KCNK1: variants seen among roughly 807,000 people sequenced by gnomAD.
The protein encoded by KCNK1 is potassium two pore domain channel subfamily K member 1.
Under a neutral mutation model 22.2 loss-of-function variants are expected in KCNK1, and 10 were observed. The observed-to-expected ratio is 0.45, with a 90% CI of 0.28 to 0.76. The LOEUF (loss-of-function observed/expected upper bound fraction) is 0.76. KCNK1 is among the 30% of genes least tolerant of loss of function. The pLI is 0.14. For synonymous variants in KCNK1, 200 were observed against 186.4 expected (o/e 1.07, Z -0.60); for missense variants, 378 against 421.0 (o/e 0.90, Z 0.89).
chr1:233,628,154 A>T (rs868057915), intron 1 of KCNK1, among the ~76,000 whole-genome samples: 18 of 152,312 alleles, frequency 1.2e-4, no homozygotes, highest in Middle Eastern at 3.4e-3. Context: ...GTGCCATCTC[A>T]CGGGAGCATT....
chr1:233,647,760 G>A (rs746533018), intron 1 of KCNK1, among the ~76,000 whole-genome samples: 8 of 152,144 alleles, frequency 5.3e-5, no homozygotes, highest in Non-Finnish European at 8.8e-5. Flanking sequence ...GTGAAATTGC[G>A]TTTTCTGGAG....
chr1:233,639,329 T>A (rs996965719), intron 1 of KCNK1, among the ~76,000 whole-genome samples: 5 of 152,254 alleles, frequency 3.3e-5, no homozygotes, highest in Non-Finnish European at 7.3e-5. Flanking sequence ...GATCTAGTCC[T>A]GTGTTTCTTT....
At chr1:233,619,626 A>G (rs1657543031) in intron 1 of KCNK1, among the ~76,000 whole-genome samples, 1 of 152,008 alleles carries the variant, frequency 6.6e-6, no homozygotes, top group Non-Finnish European at 1.5e-5. Context: ...AATAGAGTGA[A>G]GTGGGCCAGA....
chr1:233,630,757 T>C (rs1159692431), intron 1 of KCNK1: 1 of 153,628 alleles, frequency 6.5e-6, no homozygotes, highest in African/African-American at 2.4e-5. Context: ...GGTGATTCTT[T>C]TAGCCAAGTC....
chr1:233,644,427 CA>C (rs1658054877), intron 1 of KCNK1, among the ~76,000 whole-genome samples: 1 of 152,184 alleles, frequency 6.6e-6, no homozygotes, highest in African/African-American at 2.4e-5. Flanking sequence ...CAATGATAAA[CA>C]AGACAAACAA....
chr1:233,635,473 G>A (rs1657881303), intron 1 of KCNK1, among the ~76,000 whole-genome samples: 1 of 152,108 alleles, frequency 6.6e-6, no homozygotes, highest in African/African-American at 2.4e-5. Context: ...GAATTGTTGA[G>A]TAAAAATGGA....
chr1:233,619,627 G>A (rs1027490481), intron 1 of KCNK1, among the ~76,000 whole-genome samples: 16 of 152,024 alleles, frequency 1.1e-4, no homozygotes, highest in Non-Finnish European at 1.9e-4. Flanking sequence ...ATAGAGTGAA[G>A]TGGGCCAGAC....
intron 1 of KCNK1, among the ~76,000 whole-genome samples, chr1:233,665,730 A>G (rs1033498696): frequency 9.9e-5 from 15 of 152,228 alleles, no homozygotes; most frequent in African/African-American, 3.1e-4. Context: ...CACAGTTGAC[A>G]GCAAGGCAGT....
chr1:233,661,860 G>A (rs747353192), intron 1 of KCNK1: 1 of 152,312 alleles, frequency 6.6e-6, no homozygotes, highest in African/African-American at 2.4e-5. Context: ...TTCCAGCAAA[G>A]TGCAAAATGA....
Position 233,666,579 on chromosome 1 carries a change from C to T in KCNK1, c.356-16C>T. 1 of 1,581,586 alleles carries T rather than the reference C, an allele frequency of 6.3e-7. No individual in the cohort carries two copies. Among genetic ancestry groups the T allele is most frequent in the Non-Finnish European group, 8.6e-7 (1 of 1,162,312 alleles). On this transcript the variant is annotated splice_polypyrimidine_tract_variant and intron_variant, in intron 1 of 2. Transcript: ENST00000366621. ...GTCTCTTCCTCTTCGCCTCAGTGAC[C>T]TTGTTCTCCTTGCAGGTTATGGCCA...
intron 1 of KCNK1, among the ~76,000 whole-genome samples, chr1:233,628,136 T>TA (rs1306546723): frequency 6.6e-6 from 1 of 152,228 alleles, no homozygotes; most frequent in African/African-American, 2.4e-5. Context: ...CAAGCTCAGC[T>TA]AAGGGTGGTG....
chr1:233,671,599 A>T lies in KCNK1; in HGVS notation c.*69A>T. ...GCAAGGAAGAGGCTTAAGTATGTTC[A>T]TTTTTATCAGAATGCAAAAGCGAAA... On this transcript the variant is annotated 3_prime_UTR_variant, in exon 3 of 3. Transcript: ENST00000366621. 6.4e-7 allele frequency: 1 copy of T among 1,553,686 alleles called. No individual in the cohort carries two copies. Among genetic ancestry groups the T allele is most frequent in the Non-Finnish European group, 8.8e-7 (1 of 1,141,966 alleles).
chr1:233,670,967 ATG>A (rs2102914273), intron 2 of KCNK1, among the ~76,000 whole-genome samples: 1 of 152,238 alleles, frequency 6.6e-6, no homozygotes, highest in East Asian at 1.9e-4. Flanking sequence ...GCAGTATGTT[ATG>A]TGTCTTTAAT....
intron 1 of KCNK1, among the ~76,000 whole-genome samples, chr1:233,644,088 C>A (rs868458851): frequency 6.6e-6 from 1 of 152,184 alleles, no homozygotes; most frequent in Admixed American, 6.5e-5. Context: ...GTTCTGGAGG[C>A]TGGGAAGTCC....
At chr1:233,656,371 C>T (rs534051579) in intron 1 of KCNK1, among the ~76,000 whole-genome samples, 18 of 152,162 alleles carry the variant, frequency 1.2e-4, no homozygotes, top group Non-Finnish European at 2.2e-4. Context: ...GAGGGTGGTG[C>T]GTAAACCCAG....
Position 233,666,765 on chromosome 1 carries a change from A to C in KCNK1, c.526A>C (p.Lys176Gln), listed in dbSNP as rs1658497213. ...CTTCCACATCCGCTGGGGCTTCTCC[A>C]AGCAGGTGGTGGCCATCGTCCATGC... ...LYFHIRWGFSKQVVAIVHAVL... is the reference protein window; with the variant it reads ...LYFHIRWGFSQQVVAIVHAVL... Residue 176 changes from lysine (K) to glutamine (Q), a missense_variant, in exon 2 of 3, where the codon AAG becomes CAG. Coordinates refer to ENST00000366621, the MANE Select transcript of KCNK1 (RefSeq NM_002245.4). The C allele has an allele frequency of 6.2e-7, 1 of 1,614,054 alleles. No homozygotes were observed. Among genetic ancestry groups the C allele is most frequent in the Non-Finnish European group, 8.5e-7 (1 of 1,180,016 alleles).
chr1:233,653,595 A>C (rs1463108264), intron 1 of KCNK1, among the ~76,000 whole-genome samples: 2 of 152,148 alleles, frequency 1.3e-5, no homozygotes, highest in African/African-American at 4.8e-5. Flanking sequence ...TGAATAGAAC[A>C]AAAAGGGAGA....
chr1:233,633,217 G>A (rs752883107), intron 1 of KCNK1, among the ~76,000 whole-genome samples: 16 of 149,910 alleles, frequency 1.1e-4, no homozygotes, highest in Non-Finnish European at 1.6e-4. Context: ...ATACTAGATG[G>A]ATTTGCCATT....
chr1:233,619,932 CG>C (rs1182530007), intron 1 of KCNK1, among the ~76,000 whole-genome samples: 6 of 11,326 alleles, frequency 5.3e-4, no homozygotes, highest in African/African-American at 2.3e-3. Flanking sequence ...GGCGGGGGGG[CG>C]GGGGGGCAGG....
Sources: allele counts gnomAD v4.1 joint callset (sites outside exome capture counted in the v4.1 genomes callset), GRCh38; gene constraint gnomAD v4.1.1; transcripts MANE v1.5; gene names NCBI Gene and HGNC (gene_info 2026-07-23, HGNC 2026-07-21).